Variants in NMD3 observed in about 807,000 individuals in gnomAD.
NMD3 encodes the protein NMD3 ribosome export adaptor.
A neutral mutation model predicts 73.1 loss-of-function variants in NMD3; 47 were observed. That is an observed-to-expected ratio of 0.64 (90% CI 0.51 to 0.82). The LOEUF is 0.82. NMD3 is among the 40% of genes least tolerant of loss of function. The pLI, the probability that NMD3 is intolerant of heterozygous loss-of-function variation, is 0.00. For missense variants in NMD3, 554 were observed against 612.5 expected (o/e 0.90, Z 1.01); for synonymous variants, 210 against 194.5 (o/e 1.08, Z -0.66).
intron 4 of NMD3, among the ~76,000 whole-genome samples, chr3:161,229,389 A>G (rs1400950490): frequency 1.3e-5 from 2 of 152,314 alleles, no homozygotes; most frequent in Admixed American, 1.3e-4. Flanking sequence ...TCTATTTTTA[A>G]GGTAGTAACA....
At chr3:161,244,101 G>C (rs1737098672) in intron 11 of NMD3, among the ~76,000 whole-genome samples, 1 of 152,088 alleles carries the variant, frequency 6.6e-6, no homozygotes, top group African/African-American at 2.4e-5. Flanking sequence ...GGGTTATGTA[G>C]CTTTCCTGAA....
chr3:161,240,961 A>G, intron 9 of NMD3, 85 bp from the exon 10 acceptor site: 1 of 714,416 alleles, frequency 1.4e-6, no homozygotes, highest in East Asian at 2.8e-5. Context: ...GGTCAAATGC[A>G]ATTGGATTGG....
chr3:161,225,471 A>G (rs939227071), intron 3 of NMD3, among the ~76,000 whole-genome samples: 2 of 152,148 alleles, frequency 1.3e-5, no homozygotes, highest in Non-Finnish European at 2.9e-5. Flanking sequence ...TGTTTTAAAA[A>G]CTCATAACAT....
intron 2 of NMD3, 65 bp downstream of exon 2, chr3:161,222,122 C>A: frequency 7.7e-7 from 1 of 1,296,560 alleles, no homozygotes; most frequent in Non-Finnish European, 1.1e-6. Context: ...GGGAAACTCA[C>A]TATGGAGAAC....
chr3:161,221,761 A>G, intron 1 of NMD3: 1 of 351,022 alleles, frequency 2.8e-6, no homozygotes. Flanking sequence ...GGGTGGCCCG[A>G]GGGTCTTGCA....
chr3:161,233,383 T>C lies in NMD3; in HGVS notation c.277-16T>C. On this transcript the variant is annotated splice_polypyrimidine_tract_variant and intron_variant, in intron 4 of 15. Transcript: ENST00000351193. ...GGTGAGAACTTACGTTTCTTTTTGT[T>C]TGTGTTTTATTGAAGGTACGGCTTG... 3 of 1,589,862 alleles carry C rather than the reference T, an allele frequency of 1.9e-6. No homozygotes were observed. The highest frequency in any genetic ancestry group is 2.6e-6 in the Non-Finnish European group (3 of 1,163,814).
At chr3:161,236,803 A>AAAC (rs1736773265) in intron 7 of NMD3, among the ~76,000 whole-genome samples, 1 of 152,274 alleles carries the variant, frequency 6.6e-6, no homozygotes, top group Non-Finnish European at 1.5e-5. Context: ...ATCCCAGTGA[A>AAAC]AACTCTGTCC....
In NMD3 at chr3:161,238,786, A is replaced by G; in HGVS notation, c.713A>G (p.Tyr238Cys). Residue 238 changes from tyrosine (Y) to cysteine (C), a missense_variant, in exon 9 of 16, where the codon TAC becomes TGC. By Grantham distance (194) the Tyr-to-Cys change is radical. Coordinates refer to ENST00000351193, the MANE Select transcript of NMD3 (RefSeq NM_015938.5). ...GATATCCATAGTAACACATACAATT[A>G]CAAAAGCACTTTTTCTGTGGAAATT... The part of the protein sequence containing the change: ...SQDIHSNTYN[Y>C]KSTFSVEIVP... The G allele has an allele frequency of 6.3e-7, 1 of 1,575,172 alleles. No individual in the cohort carries two copies. Among genetic ancestry groups the G allele is most frequent in the East Asian group, 2.3e-5 (1 of 44,314 alleles).
intron 4 of NMD3, among the ~76,000 whole-genome samples, chr3:161,230,902 G>A (rs1736515410): frequency 6.6e-6 from 1 of 152,164 alleles, no homozygotes. Context: ...GGAGAGAGCG[G>A]AAGATATGAA....
At chr3:161,223,757 C>G (rs960998971) in intron 2 of NMD3, among the ~76,000 whole-genome samples, 14 of 152,148 alleles carry the variant, frequency 9.2e-5, no homozygotes, top group African/African-American at 3.4e-4. Flanking sequence ...ACAAACTGAT[C>G]TTACATATTC....
In NMD3 at chr3:161,250,973, T is replaced by A; in HGVS notation, c.*63T>A. 2 of 1,346,366 alleles carry A rather than the reference T, an allele frequency of 1.5e-6. No homozygotes were observed. Among genetic ancestry groups the A allele is most frequent in the Non-Finnish European group, 2.1e-6 (2 of 970,038 alleles). The allele number at this position is 1,346,366 out of a possible 1,614,324, so 83.4% of individuals were successfully genotyped here. ...AAGTTGGACAGAGTTACCTTAAGTG[T>A]CTCTACTATCTTTGCCTCCAGATTT... On this transcript the variant is annotated 3_prime_UTR_variant, in exon 16 of 16. Transcript: ENST00000351193.
chr3:161,252,844 A>G (rs1318674910), downstream of NMD3: 2 of 693,694 alleles, frequency 2.9e-6, no homozygotes, highest in Admixed American at 2.0e-5. Context: ...GACGCCTGTA[A>G]TCCCAGCACT....
At chr3:161,240,590 C>A (rs1217324424) in intron 9 of NMD3, among the ~76,000 whole-genome samples, 2 of 137,210 alleles carry the variant, frequency 1.5e-5, no homozygotes, top group Admixed American at 8.2e-5. Flanking sequence ...AGTGGCACCA[C>A]CTTAACTCAC....
intron 13 of NMD3, 60 bp downstream of exon 13, chr3:161,247,390 G>A: frequency 1.0e-6 from 1 of 994,478 alleles, no homozygotes; most frequent in Non-Finnish European, 1.6e-6. Flanking sequence ...TAACTCTTAG[G>A]GGTAAGAGGT....
intron 12 of NMD3, 80 bp from the exon 13 acceptor site, chr3:161,247,168 TTTTTAGGAAG>T (rs1737247255): frequency 1.3e-6 from 1 of 749,996 alleles, no homozygotes; most frequent in African/African-American, 1.7e-5. Flanking sequence ...AAATGTTTGA[TTTTTAGGAAG>T]TTTTAGGTGA....
At chr3:161,247,474 AT>A (rs372150378) in intron 13 of NMD3, 144 bp downstream of exon 13, 75,491 of 348,786 alleles carry the variant, frequency 0.22, 527 homozygotes, top group South Asian at 0.3. Flanking sequence ...TAATAGCAAA[AT>A]TTTTTTTTTT....
In NMD3 at chr3:161,221,330, A is replaced by T. The variant is rs528804417; in HGVS notation, c.-100A>T. 1 of 152,290 alleles carries T rather than the reference A, an allele frequency of 6.6e-6. No homozygotes were observed. The highest frequency in any genetic ancestry group is 1.5e-5 in the Non-Finnish European group (1 of 68,126). The allele number at this position is 152,290 out of a possible 1,614,324, so 9.4% of individuals were successfully genotyped here. Reference sequence around the variant, plus strand: ...GATCTTCTCTGTGGCGGAGACAGCCAGGTTGGCAGCTGACGGGACAGCCGG... The same window carrying T: ...GATCTTCTCTGTGGCGGAGACAGCCTGGTTGGCAGCTGACGGGACAGCCGG... On this transcript the variant is annotated 5_prime_UTR_variant, in exon 1 of 16. Transcript: ENST00000351193.
intron 4 of NMD3, among the ~76,000 whole-genome samples, chr3:161,229,108 A>G (rs1019248941): frequency 6.6e-6 from 1 of 152,190 alleles, no homozygotes; most frequent in Non-Finnish European, 1.5e-5. Context: ...GGTGAGGGGA[A>G]AAGTAGTTGG....
At chr3:161,223,000 A>G (rs1736171798) in intron 2 of NMD3, 1 of 152,200 alleles carries the variant, frequency 6.6e-6, no homozygotes, top group Admixed American at 6.5e-5. Context: ...TTCTATCAGT[A>G]GCTTTTAACA....
Sources: allele counts gnomAD v4.1 joint callset (sites outside exome capture counted in the v4.1 genomes callset), GRCh38; gene constraint gnomAD v4.1.1; transcripts MANE v1.5; gene names NCBI Gene and HGNC (gene_info 2026-07-23, HGNC 2026-07-21).